EXTL2: variants seen among roughly 807,000 people sequenced by gnomAD.
EXTL2 encodes the protein exostosin-like 2.
EXTL2 carries 23 observed loss-of-function variants against 30.7 expected under a neutral mutation model. That is an observed-to-expected ratio of 0.75 (90% CI 0.54 to 1.06). The LOEUF (loss-of-function observed/expected upper bound fraction) is 1.06, where lower values mean the gene tolerates loss of function less well. Ranked by LOEUF, EXTL2 falls within the 50% of genes least tolerant of loss-of-function variation. The probability of loss-of-function intolerance (pLI) is 0.00; values close to 1 mark genes in which losing one functional copy is unlikely to be tolerated. For missense variants in EXTL2, 352 were observed against 396.3 expected (o/e 0.89, Z 0.95); for synonymous variants, 123 against 133.8 (o/e 0.92, Z 0.56).
In EXTL2 at chr1:100,877,708, A is replaced by G. The variant is rs2207735; in HGVS notation, c.201T>C (p.Thr67=). Residue 67 remains threonine, a synonymous_variant, in exon 3 of 5, where the codon ACT becomes ACC. Transcript: ENST00000370114. The surrounding 1 kb of genome is among the most constrained non-coding windows in gnomAD (Gnocchi z 4.1). The part of the protein sequence containing the change: ...SQGKSTMDSF[T]LIMQTYNRTD... Reference sequence around the variant, plus strand: ...TTCTGTTGTACGTCTGCATTATGAGAGTAAAGGAGTCCATGGTGGACTTGC... The same window carrying G: ...TTCTGTTGTACGTCTGCATTATGAGGGTAAAGGAGTCCATGGTGGACTTGC... 1.2e-6 allele frequency: 2 copies of G among 1,613,530 alleles called. No individual in the cohort carries two copies. Among genetic ancestry groups the G allele is most frequent in the Middle Eastern group, 1.7e-4 (1 of 6,058 alleles).
At chr1:100,876,550 C>T (rs113311154) in intron 4 of EXTL2, among the ~76,000 whole-genome samples, 9 of 152,126 alleles carry the variant, frequency 5.9e-5, no homozygotes, top group African/African-American at 1.9e-4. Flanking sequence ...CTCTGGAAGG[C>T]AGTTCTAGCT....
At position 100,873,913 on chromosome 1, in the gene EXTL2, T is replaced by A. The variant is rs1312470716; in HGVS notation, c.*29A>T. The A allele has an allele frequency of 1.3e-6, 2 of 1,530,514 alleles. No homozygotes were observed. The highest frequency in any genetic ancestry group is 1.7e-6 in the Non-Finnish European group (2 of 1,144,792). 94.8% of individuals were successfully genotyped at this position (1,530,514 alleles called of 1,614,324 possible). ...AGAAGCTACTCAAATGCCAAGCAGT[T>A]TTCAGGTTTGTTTTTGTTTGTTTTA... On this transcript the variant is annotated 3_prime_UTR_variant, in exon 5 of 5. Coordinates refer to ENST00000370114, the MANE Select transcript of EXTL2 (RefSeq NM_001033025.3).
At chr1:100,884,617 C>T (rs1040066676) in intron 2 of EXTL2, among the ~76,000 whole-genome samples, 10 of 152,172 alleles carry the variant, frequency 6.6e-5, no homozygotes, top group Non-Finnish European at 1.2e-4. Flanking sequence ...AGCCGATCCA[C>T]GACTCCATGT....
At chr1:100,892,932 G>T (rs1446246489) in intron 1 of EXTL2, among the ~76,000 whole-genome samples, 1 of 152,176 alleles carries the variant, frequency 6.6e-6, no homozygotes, top group East Asian at 1.9e-4. Flanking sequence ...ATGACAGATA[G>T]CATCTTTCCT....
intron 1 of EXTL2, among the ~76,000 whole-genome samples, chr1:100,892,958 T>C (rs1359647104): frequency 1.3e-5 from 2 of 152,146 alleles, no homozygotes; most frequent in African/African-American, 4.8e-5. Context: ...TTGCTGACCA[T>C]TGCCCAAAAG....
intron 1 of EXTL2, among the ~76,000 whole-genome samples, chr1:100,894,334 A>G (rs1650685280): frequency 6.6e-6 from 1 of 152,206 alleles, no homozygotes; most frequent in African/African-American, 2.4e-5. Flanking sequence ...CCAAAAAAAG[A>G]GTAAATGCTA....
intron 4 of EXTL2, 55 bp downstream of exon 4, chr1:100,876,739 A>C: frequency 8.6e-7 from 1 of 1,168,048 alleles, no homozygotes; most frequent in Non-Finnish European, 1.3e-6. Context: ...TGCCGTGGTT[A>C]AGTACTAGTC....
At chr1:100,885,083 G>A (rs1649857159) in intron 2 of EXTL2, among the ~76,000 whole-genome samples, 1 of 152,182 alleles carries the variant, frequency 6.6e-6, no homozygotes, top group African/African-American at 2.4e-5. Context: ...TAGAAGAGCT[G>A]GGTCATCACC....
chr1:100,881,502 C>T (rs889332409), intron 2 of EXTL2, among the ~76,000 whole-genome samples: 1 of 152,200 alleles, frequency 6.6e-6, no homozygotes, highest in Non-Finnish European at 1.5e-5. Context: ...GCCCTCATTT[C>T]CTAAACTTTC....
chr1:100,876,090 T>C lies in EXTL2; in HGVS notation c.504+704A>G, dbSNP rs1649094053. Reference sequence around the variant, plus strand: ...GCTAATTTTAAAAGTTACCATGGCATAAATTCGATCATTTACTGGGTAGCA... The same window carrying C: ...GCTAATTTTAAAAGTTACCATGGCACAAATTCGATCATTTACTGGGTAGCA... On this transcript the variant is annotated intron_variant, in intron 4 of 4. Transcript: ENST00000370114. Among the ~76,000 whole-genome samples the C allele has an allele frequency of 7.9e-5, 12 of 152,234 alleles. No individual in the cohort carries two copies. The South Asian group carries it at 2.5e-3, about 31-fold the overall frequency.
chr1:100,878,410 T>A (rs1254007362), intron 2 of EXTL2: 1 of 471,012 alleles, frequency 2.1e-6, no homozygotes, highest in Admixed American at 2.3e-5. Context: ...AACAGATAGT[T>A]CCTGAGCACT....
chr1:100,894,100 G>A (rs1036815232), intron 1 of EXTL2, among the ~76,000 whole-genome samples: 2 of 152,188 alleles, frequency 1.3e-5, no homozygotes, highest in Non-Finnish European at 2.9e-5. Context: ...TGACCTTGAT[G>A]AGTTAGGATT....
At chr1:100,893,351 A>G (rs1488278785) in intron 1 of EXTL2, among the ~76,000 whole-genome samples, 1 of 152,184 alleles carries the variant, frequency 6.6e-6, no homozygotes, top group Non-Finnish European at 1.5e-5. Context: ...GTATTTATGG[A>G]AAGACTTACT....
chr1:100,872,562 T>TA lies in EXTL2; in HGVS notation c.*1379dup, dbSNP rs879127824. ...ATTAAGACACATATACTCTTTAATGTAAAAAAAAAACCATCATATGCGGAA... is the reference window on the plus strand; with the variant it reads ...ATTAAGACACATATACTCTTTAATGTAAAAAAAAAAACCATCATATGCGGAA... On this transcript the variant is annotated 3_prime_UTR_variant, in exon 5 of 5. Transcript: ENST00000370114. The TA allele has an allele frequency of 9.3e-3, 1,381 of 148,898 alleles. 13 individuals carry two copies. The highest frequency in any genetic ancestry group is 0.014 in the Non-Finnish European group (918 of 66,738). 9.2% of individuals were successfully genotyped at this position (148,898 alleles called of 1,614,324 possible).
At chr1:100,888,706 C>G in intron 2 of EXTL2, 47 bp downstream of exon 2, 1 of 1,056,744 alleles carries the variant, frequency 9.5e-7, no homozygotes, top group Non-Finnish European at 1.4e-6. Flanking sequence ...TTGTGTTATA[C>G]GTATTTTACA....
chr1:100,876,137 G>A (rs755286840), intron 4 of EXTL2, among the ~76,000 whole-genome samples: 15 of 151,924 alleles, frequency 9.9e-5, no homozygotes, highest in Non-Finnish European at 1.5e-4. Context: ...TATTTGACAC[G>A]GCTTCGAAGT....
chr1:100,874,424 G>T lies in EXTL2; in HGVS notation c.511C>A (p.Pro171Thr). 6.3e-7 allele frequency: 1 copy of T among 1,577,476 alleles called. No homozygotes were observed. The highest frequency in any genetic ancestry group is 1.2e-5 in the South Asian group (1 of 85,572). The change falls in exon 5 of 5, where the codon CCT becomes ACT. Residue 171 changes from proline (P) to threonine (T), a missense_variant. By Grantham distance (38) the Pro-to-Thr change is conservative. Transcript: ENST00000370114. Reference protein sequence around the residue: ...VFAFSVWQQFPDQIVGFVPRK... With the variant: ...VFAFSVWQQFTDQIVGFVPRK... The stretch of plus-strand genomic sequence containing the variant: ...GGAACAAATCCTACAATTTGATCAG[G>T]AAATTGCTGAAAAGAGGGAAAAAGA...
At chr1:100,884,079 A>T (rs1649774291) in intron 2 of EXTL2, among the ~76,000 whole-genome samples, 1 of 152,208 alleles carries the variant, frequency 6.6e-6, no homozygotes, top group South Asian at 2.1e-4. Flanking sequence ...GAAAGCAATA[A>T]TTATCCAGAG....
intron 3 of EXTL2, 88 bp from the exon 4 acceptor site, chr1:100,876,952 CA>C: frequency 1.3e-6 from 1 of 774,250 alleles, no homozygotes. Flanking sequence ...ATAGATCATT[CA>C]AATGAAGTAT....
Sources: gnomAD v4.1 joint callset for allele counts (sites outside exome capture counted in the v4.1 genomes callset) on GRCh38, gnomAD v4.1.1 for gene constraint, Gnocchi (gnomAD v3.1) non-coding constraint, MANE v1.5 for transcripts, NCBI Gene and HGNC (gene_info 2026-07-23, HGNC 2026-07-21) for gene names.